TMEM68: variants seen among roughly 807,000 people sequenced by gnomAD.
The protein encoded by TMEM68 is transmembrane protein 68, also known as DGAT1/2-independent enzyme synthesizing storage lipids.
TMEM68 carries 25 observed loss-of-function variants against 36.9 expected under a neutral mutation model. The ratio of observed to expected loss-of-function variants is 0.68; its 90% confidence interval spans 0.49 to 0.95. The LOEUF (loss-of-function observed/expected upper bound fraction) is 0.95, where lower values mean the gene tolerates loss of function less well. TMEM68 is among the 40% of genes least tolerant of loss of function. The pLI, the probability that TMEM68 is intolerant of heterozygous loss-of-function variation, is 0.00. For missense variants in TMEM68, 333 were observed against 392.0 expected, an observed-to-expected ratio of 0.85 and a Z score of 1.27; for synonymous variants, 131 against 124.4, an observed-to-expected ratio of 1.05 and a Z score of -0.35.
chr8:55,758,132 G>C (rs555398793), intron 3 of TMEM68, among the ~76,000 whole-genome samples: 1 of 152,304 alleles, frequency 6.6e-6, no homozygotes, highest in East Asian at 1.9e-4. Flanking sequence ...AGGACTGAAG[G>C]TGGAGCAGAA....
chr8:55,770,682 CA>C (rs1399872633), intron 1 of TMEM68, among the ~76,000 whole-genome samples: 1 of 151,784 alleles, frequency 6.6e-6, no homozygotes, highest in African/African-American at 2.4e-5. Context: ...GTCTCGGGGG[CA>C]GGGGGGAACT....
intron 1 of TMEM68, among the ~76,000 whole-genome samples, chr8:55,769,599 A>T (rs1450670755): frequency 6.6e-6 from 1 of 152,154 alleles, no homozygotes; most frequent in Non-Finnish European, 1.5e-5. Context: ...CACCTAACAA[A>T]TGCTGGCTAA....
At chr8:55,741,896 T>C (rs1261009255) in intron 7 of TMEM68, among the ~76,000 whole-genome samples, 1 of 152,110 alleles carries the variant, frequency 6.6e-6, no homozygotes, top group Non-Finnish European at 1.5e-5. Context: ...TATAGACTTG[T>C]ACCAAGTAAA....
chr8:55,744,484 T>C (rs1351511094), intron 6 of TMEM68, among the ~76,000 whole-genome samples: 2 of 151,130 alleles, frequency 1.3e-5, no homozygotes, highest in Non-Finnish European at 2.9e-5. Context: ...TTTGTTTGTA[T>C]TTTTAGTAGA....
At chr8:55,757,659 C>G (rs1810647842) in intron 3 of TMEM68, among the ~76,000 whole-genome samples, 1 of 152,078 alleles carries the variant, frequency 6.6e-6, no homozygotes, top group African/African-American at 2.4e-5. Context: ...AACTCCACTC[C>G]CCTGCCCCAC....
chr8:55,754,821 A>T (rs1585719542), intron 4 of TMEM68, among the ~76,000 whole-genome samples: 1 of 132,966 alleles, frequency 7.5e-6, no homozygotes, highest in East Asian at 2.0e-4. Flanking sequence ...TATATTATAT[A>T]TAAAATACAT....
At chr8:55,756,557 C>A in intron 3 of TMEM68, 146 bp from the exon 4 acceptor site, 1 of 704,076 alleles carries the variant, frequency 1.4e-6, no homozygotes, top group Non-Finnish European at 2.2e-6. Flanking sequence ...CCTCTCTTTC[C>A]TCTTCTCTTT....
chr8:55,762,786 G>A lies in TMEM68; in HGVS notation c.174C>T (p.Tyr58=). 3 of 1,614,026 alleles carry A rather than the reference G, an allele frequency of 1.9e-6. No homozygotes were observed. The highest frequency in any genetic ancestry group is 1.7e-6 in the Non-Finnish European group (2 of 1,179,936). The change falls in exon 3 of 8, where the codon TAC becomes TAT. Residue 58 remains tyrosine (Y), a synonymous_variant. Transcript: ENST00000434581. The stretch of plus-strand genomic sequence containing the variant: ...TAAGGTAGAGAAGAAAGATAGTAAA[G>A]TAAGGAAGTATTAAAAGTATTAGTG... ...FTPLILLILP[Y]FTIFLLYLTI... is the part of the protein sequence containing the mutation.
In TMEM68 at chr8:55,751,188, A is replaced by G. The variant is rs374739834; in HGVS notation, c.494-31T>C. On this transcript the variant is annotated intron_variant, in intron 4 of 7. Transcript: ENST00000434581. Reference sequence around the variant, plus strand: ...AGAAACATGAGTATGAAGTTACAACATAAGTATTTCTTGTTTAATTCTTCA... The same window carrying G: ...AGAAACATGAGTATGAAGTTACAACGTAAGTATTTCTTGTTTAATTCTTCA... The G allele has an allele frequency of 3.6e-5, 55 of 1,542,172 alleles. No homozygotes were observed. The Admixed American group carries it at 4.3e-4, about 12-fold the overall frequency.
chr8:55,764,302 T>G (rs1196269218), intron 1 of TMEM68, among the ~76,000 whole-genome samples: 1 of 152,246 alleles, frequency 6.6e-6, no homozygotes, highest in Non-Finnish European at 1.5e-5. Flanking sequence ...TGATTCTTTT[T>G]AGTAACTTTG....
At chr8:55,751,237 A>G (rs772643891) in intron 4 of TMEM68, 80 bp from the exon 5 acceptor site, 5 of 1,240,510 alleles carry the variant, frequency 4.0e-6, no homozygotes, top group South Asian at 1.5e-5. Context: ...CACAAACTAC[A>G]TAGTGTACTA....
intron 1 of TMEM68, among the ~76,000 whole-genome samples, chr8:55,766,510 G>A (rs895516095): frequency 2.0e-5 from 3 of 151,344 alleles, no homozygotes; most frequent in Admixed American, 6.6e-5. Context: ...CCGAGTAGTT[G>A]GGACTAAAGG....
chr8:55,770,363 T>C (rs887918508), intron 1 of TMEM68, among the ~76,000 whole-genome samples: 2 of 152,226 alleles, frequency 1.3e-5, no homozygotes, highest in African/African-American at 4.8e-5. Flanking sequence ...ACTGACTTCT[T>C]ATCACTTTAT....
intron 5 of TMEM68, 130 bp from the exon 6 acceptor site, chr8:55,745,251 C>T (rs1388622818): frequency 1.3e-5 from 6 of 465,420 alleles, no homozygotes; most frequent in African/African-American, 6.1e-5. Flanking sequence ...CCACCCTGAA[C>T]ATGCCCAATC....
In TMEM68 at chr8:55,746,069, C is replaced by T. The variant is rs1810263894; in HGVS notation, c.688-948G>A. On this transcript the variant is annotated intron_variant, in intron 5 of 7. Coordinates refer to ENST00000434581, the MANE Select transcript of TMEM68 (RefSeq NM_001286657.2). ...GTGGCTTGTGCCTGTAATCCCAGCA[C>T]TTTGGGAGGCCAAGACAGGTGGATC... is the stretch of plus-strand genomic sequence containing the variant. The T allele has an allele frequency of 7.2e-5, 2 of 27,640 alleles. 1 individual carries two copies. Among genetic ancestry groups the T allele is most frequent in the Admixed American group, 9.3e-4 (2 of 2,150 alleles). 1.7% of individuals were successfully genotyped at this position (27,640 alleles called of 1,614,324 possible). A position where few individuals can be genotyped will look rare whatever the true frequency, so the allele number is the denominator to read the frequency against.
At chr8:55,772,850 G>A (rs1280497032) in intron 1 of TMEM68, 3 of 152,826 alleles carry the variant, frequency 2.0e-5, no homozygotes, top group African/African-American at 7.2e-5. Context: ...ACTTCCCCTT[G>A]GCTTTTACAC....
intron 1 of TMEM68, among the ~76,000 whole-genome samples, chr8:55,772,067 CAAT>C (rs1811190491): frequency 1.3e-5 from 2 of 152,116 alleles, no homozygotes; most frequent in South Asian, 4.1e-4. Context: ...CTACTCATCC[CAAT>C]AATGCTGCAC....
intron 4 of TMEM68, among the ~76,000 whole-genome samples, chr8:55,753,889 C>T (rs983386770): frequency 2.6e-5 from 4 of 151,972 alleles, no homozygotes; most frequent in Non-Finnish European, 5.9e-5. Context: ...GTCAGGAGTT[C>T]GAGACCAGTC....
chr8:55,750,812 A>G, intron 5 of TMEM68, 152 bp downstream of exon 5: 2 of 691,372 alleles, frequency 2.9e-6, no homozygotes, highest in Non-Finnish European at 4.6e-6. Context: ...TGCTGAGATT[A>G]CAGGCGTGAG....
Sources: allele counts gnomAD v4.1 joint callset (sites outside exome capture counted in the v4.1 genomes callset), GRCh38; gene constraint gnomAD v4.1.1; transcripts MANE v1.5; gene names NCBI Gene and HGNC (gene_info 2026-07-23, HGNC 2026-07-21).